STX17: variants seen among roughly 807,000 people sequenced by gnomAD.
STX17 encodes the protein syntaxin 17.
In STX17, 29 loss-of-function variants were observed where a neutral mutation model predicts 35.9. The ratio of observed to expected loss-of-function variants is 0.81; its 90% confidence interval spans 0.60 to 1.10. The LOEUF (loss-of-function observed/expected upper bound fraction) is 1.10, where lower values mean the gene tolerates loss of function less well. Among genes scored for constraint, STX17 ranks in the 50% least tolerant of loss-of-function variants. The pLI is 0.00. For synonymous variants in STX17, 92 were observed against 118.3 expected, an observed-to-expected ratio of 0.78 and a Z score of 1.44; for missense variants, 312 against 352.3, an observed-to-expected ratio of 0.89 and a Z score of 0.92.
At position 99,973,713 on chromosome 9, in the gene STX17, G is replaced by A. The variant is rs1830056321; in HGVS notation, c.*5040G>A. Among the ~76,000 whole-genome samples, 1 of 152,092 alleles carries A rather than the reference G, an allele frequency of 6.6e-6. No homozygotes were observed. The highest frequency in any genetic ancestry group is 1.5e-5 in the Non-Finnish European group (1 of 68,018). Reference sequence around the variant, plus strand: ...TCTTCCCCCAACTTTAAGTGACTCAGTTCCTTATATCACTGCCACAAGAAT... The same window carrying A: ...TCTTCCCCCAACTTTAAGTGACTCAATTCCTTATATCACTGCCACAAGAAT... On this transcript the variant is annotated 3_prime_UTR_variant, in exon 8 of 8. Transcript: ENST00000259400.
At chr9:99,912,674 A>G (rs1758623808) in intron 1 of STX17, among the ~76,000 whole-genome samples, 1 of 152,228 alleles carries the variant, frequency 6.6e-6, no homozygotes, top group Non-Finnish European at 1.5e-5. Context: ...ATTAGAAACA[A>G]CCTAAATAGC....
intron 2 of STX17, among the ~76,000 whole-genome samples, chr9:99,917,958 C>A (rs1376308839): frequency 6.6e-6 from 1 of 152,144 alleles, no homozygotes; most frequent in Non-Finnish European, 1.5e-5. Context: ...GCTCAGCAAT[C>A]ATCAAAGACC....
At chr9:99,910,749 CTG>C (rs1425941878) in intron 1 of STX17, among the ~76,000 whole-genome samples, 2 of 152,214 alleles carry the variant, frequency 1.3e-5, no homozygotes, top group Non-Finnish European at 2.9e-5. Flanking sequence ...AGCTACCTCA[CTG>C]TGTTATTAAA....
In STX17 at chr9:99,923,542, G is replaced by T. The variant is rs1288855374; in HGVS notation, c.124-5236G>T. On this transcript the variant is annotated intron_variant, in intron 2 of 7. Transcript: ENST00000259400. ...ACAGAAGACTTCTGTGACCAAATGT[G>T]TGTGAGTTTCTCCCCATATTTCAAG... 2.6e-5 allele frequency among the ~76,000 whole-genome samples: 4 copies of T among 152,158 alleles called. No homozygotes were observed. The East Asian group carries it at 7.7e-4, about 29-fold the overall frequency.
intron 5 of STX17, 21 bp from the exon 6 acceptor site, chr9:99,960,084 T>G: frequency 6.2e-7 from 1 of 1,614,034 alleles, no homozygotes; most frequent in Non-Finnish European, 8.5e-7. Flanking sequence ...AAAAGTAACT[T>G]CCTCTCCCTT....
chr9:99,961,089 TG>T (rs759583781), intron 6 of STX17, among the ~76,000 whole-genome samples: 65 of 152,252 alleles, frequency 4.3e-4, no homozygotes, highest in Non-Finnish European at 7.5e-4. Context: ...TAAGGTACCA[TG>T]GGCAAGCAAG....
At chr9:99,953,084 A>G (rs916605045) in intron 4 of STX17, among the ~76,000 whole-genome samples, 16 of 151,910 alleles carry the variant, frequency 1.1e-4, no homozygotes, top group African/African-American at 3.9e-4. Flanking sequence ...ACATCTGCCC[A>G]TTTTTTCTTT....
intron 2 of STX17, among the ~76,000 whole-genome samples, chr9:99,922,944 G>A (rs1828915970): frequency 6.6e-6 from 1 of 152,162 alleles, no homozygotes; most frequent in African/African-American, 2.4e-5. Flanking sequence ...ATTTTAAAAA[G>A]ATGAAGAAAA....
At chr9:99,962,828 A>G (rs780406621) in intron 6 of STX17, among the ~76,000 whole-genome samples, 4 of 152,194 alleles carry the variant, frequency 2.6e-5, no homozygotes, top group Non-Finnish European at 5.9e-5. Flanking sequence ...TCCCAGGGTG[A>G]CTAAGTTCTC....
intron 2 of STX17, among the ~76,000 whole-genome samples, chr9:99,917,631 A>T (rs1828801238): frequency 6.6e-6 from 1 of 152,212 alleles, no homozygotes; most frequent in Non-Finnish European, 1.5e-5. Flanking sequence ...ATTTTATTAT[A>T]CATGATAAAC....
intron 4 of STX17, among the ~76,000 whole-genome samples, chr9:99,953,280 A>G (rs923137389): frequency 6.6e-6 from 1 of 152,036 alleles, no homozygotes; most frequent in Non-Finnish European, 1.5e-5. Context: ...AGTACCTAGC[A>G]CAATGCTTGG....
At position 99,915,222 on chromosome 9, in the gene STX17, A is replaced by G. The variant is rs751895310; in HGVS notation, c.-18A>G. The G allele has an allele frequency of 1.2e-5, 19 of 1,607,350 alleles. No homozygotes were observed. Among genetic ancestry groups the G allele is most frequent in the Admixed American group, 3.4e-5 (2 of 58,856 alleles). ...GAAGACAGCTGTTACCAGGGAGGTC[A>G]TACAACATTTTTTTAGGATGTCTGA... On this transcript the variant is annotated 5_prime_UTR_variant, in exon 2 of 8. Transcript: ENST00000259400.
At position 99,915,331 on chromosome 9, in the gene STX17, G is replaced by A. The variant is rs755620652; in HGVS notation, c.92G>A (p.Arg31Lys). ...ATAGTAATCCCAACAGACCTGGAAA[G>A]GTTAAGAAAGCACCAGATAAATATT... ...IKIVIPTDLE[R>K]LRKHQINIEK... is the part of the protein sequence containing the mutation. Residue 31 changes from arginine to lysine, a missense_variant, in exon 2 of 8, where the codon AGG (arginine) becomes AAG (lysine). Transcript: ENST00000259400. 1 of 1,609,972 alleles carries A rather than the reference G, an allele frequency of 6.2e-7. No homozygotes were observed. The highest frequency in any genetic ancestry group is 2.2e-5 in the East Asian group (1 of 44,612).
chr9:99,949,524 T>C (rs1829549898), intron 3 of STX17, among the ~76,000 whole-genome samples: 1 of 152,026 alleles, frequency 6.6e-6, no homozygotes, highest in African/African-American at 2.4e-5. Flanking sequence ...GTTTTGCCAC[T>C]AGATAACTTA....
intron 1 of STX17, among the ~76,000 whole-genome samples, chr9:99,912,055 C>T (rs1487977553): frequency 2.6e-5 from 4 of 152,036 alleles, no homozygotes; most frequent in African/African-American, 9.7e-5. Context: ...GGCAAAATCC[C>T]GTCTCTACTA....
At chr9:99,922,430 C>T (rs1467552044) in intron 2 of STX17, among the ~76,000 whole-genome samples, 1 of 152,202 alleles carries the variant, frequency 6.6e-6, no homozygotes, top group African/African-American at 2.4e-5. Flanking sequence ...TCACATAGTA[C>T]GTGCTCAATG....
At chr9:99,940,096 C>T (rs1305571399) in intron 3 of STX17, among the ~76,000 whole-genome samples, 1 of 152,106 alleles carries the variant, frequency 6.6e-6, no homozygotes, top group African/African-American at 2.4e-5. Flanking sequence ...TCTTTAGATG[C>T]CACTTTCTTT....
intron 3 of STX17, among the ~76,000 whole-genome samples, chr9:99,931,259 G>A (rs1030598477): frequency 3.9e-5 from 6 of 152,146 alleles, no homozygotes; most frequent in South Asian, 2.1e-4. Context: ...GATTACAGGC[G>A]TGAGCTACTG....
At chr9:99,915,119 C>T in intron 1 of STX17, 59 bp from the exon 2 acceptor site, 1 of 1,165,052 alleles carries the variant, frequency 8.6e-7, no homozygotes, top group Middle Eastern at 2.9e-4. Flanking sequence ...TAATCGTTGG[C>T]TTTTAAAAAT....
Sources: gnomAD v4.1 joint callset for allele counts (sites outside exome capture counted in the v4.1 genomes callset) on GRCh38, gnomAD v4.1.1 for gene constraint, MANE v1.5 for transcripts, NCBI Gene and HGNC (gene_info 2026-07-23, HGNC 2026-07-21) for gene names.